AXL: variants seen among roughly 807,000 people sequenced by gnomAD.
AXL encodes the protein tyrosine-protein kinase receptor UFO.
A neutral mutation model predicts 104.5 loss-of-function variants in AXL; 52 were observed. The observed-to-expected ratio is 0.50, with a 90% CI of 0.40 to 0.63. AXL has a LOEUF of 0.63. Ranked by LOEUF, AXL falls within the 20% of genes least tolerant of loss-of-function variation. The pLI, the probability that AXL is intolerant of heterozygous loss-of-function variation, is 0.00. For synonymous variants in AXL, 455 were observed against 473.7 expected (o/e 0.96, Z 0.51); for missense variants, 1,024 against 1,188.5 (o/e 0.86, Z 2.04).
intron 4 of AXL, among the ~76,000 whole-genome samples, chr19:41,230,149 C>CTGTT (rs144832122): frequency 0.44 from 65,655 of 150,336 alleles, 14,666 homozygotes; most frequent in African/African-American, 0.54. Context: ...GTGGCTGTGT[C>CTGTT]TGTTTCTGTG....
rs1457443458 is a variant in AXL, at chr19:41,239,150, T to G, written c.1135-14T>G. ...GGTAAGGTTCTACCCTGATGCCACT[T>G]CTGGACCTCCTAGGTGCTAATGGAC... On this transcript the variant is annotated splice_polypyrimidine_tract_variant and intron_variant, in intron 8 of 19. Transcript: ENST00000301178. 4 of 1,612,850 alleles carry G rather than the reference T, an allele frequency of 2.5e-6. No individual in the cohort carries two copies. The highest frequency in any genetic ancestry group is 3.3e-4 in the Middle Eastern group (2 of 6,054).
chr19:41,239,638 C>G (rs2034146493), intron 9 of AXL, 56 bp from the exon 10 acceptor site: 1 of 1,609,658 alleles, frequency 6.2e-7, no homozygotes, highest in African/African-American at 1.3e-5. Flanking sequence ...CTTACCCGTG[C>G]CACGCCAGTC....
Position 41,228,774 on chromosome 19 carries a change from A to G in AXL, c.587-2193A>G, listed in dbSNP as rs564530877. Among the ~76,000 whole-genome samples, 3 of 152,254 alleles carry G rather than the reference A, an allele frequency of 2.0e-5. No homozygotes were observed. In the South Asian group the frequency reaches 6.2e-4, roughly 32 times the overall value. Reference sequence around the variant, plus strand: ...CACAACCCCTGCCCTCCTAGAGCTGACATTCTAGTGGGAGAAACTGACAAT... The same window carrying G: ...CACAACCCCTGCCCTCCTAGAGCTGGCATTCTAGTGGGAGAAACTGACAAT... On this transcript the variant is annotated intron_variant, in intron 4 of 19. Transcript: ENST00000301178.
chr19:41,252,154 A>T (rs1052709139), intron 14 of AXL, among the ~76,000 whole-genome samples, 197 bp from the exon 15 acceptor site: 4 of 147,954 alleles, frequency 2.7e-5, no homozygotes, highest in Admixed American at 6.8e-5. Context: ...ATATATATAT[A>T]TATATTATAT....
At position 41,220,871 on chromosome 19, in the gene AXL, A is replaced by T. The variant is rs778793836; in HGVS notation, c.308+13A>T. 6.2e-7 allele frequency: 1 copy of T among 1,610,816 alleles called. No individual in the cohort carries two copies. The highest frequency in any genetic ancestry group is 1.3e-5 in the African/African-American group (1 of 74,876). Reference sequence around the variant, plus strand: ...TCAGCCAGCTCAGGTGTGTGGCCACATCCCCGAATCCCACTCCCACCTCCG... The same window carrying T: ...TCAGCCAGCTCAGGTGTGTGGCCACTTCCCCGAATCCCACTCCCACCTCCG... On this transcript the variant is annotated intron_variant, in intron 2 of 19. Transcript: ENST00000301178.
At position 41,239,168 on chromosome 19, in the gene AXL, T is replaced by A; in HGVS notation, c.1139T>A (p.Leu380Gln). ...AYQGQDTPEV[L>Q]MDIGLRQEVT... ...TGCCACTTCTGGACCTCCTAGGTGC[T>A]AATGGACATAGGGCTAAGGCAAGAG... Residue 380 changes from leucine to glutamine, a missense_variant, in exon 9 of 20, where the codon CTA becomes CAA. Coordinates refer to ENST00000301178, the MANE Select transcript of AXL (RefSeq NM_021913.5). The A allele has an allele frequency of 6.2e-7, 1 of 1,613,262 alleles. No homozygotes were observed. Among genetic ancestry groups the A allele is most frequent in the Non-Finnish European group, 8.5e-7 (1 of 1,179,512 alleles).
At chr19:41,226,869 G>C in intron 4 of AXL, 1 of 885,754 alleles carries the variant, frequency 1.1e-6, no homozygotes, top group Non-Finnish European at 1.4e-6. Flanking sequence ...CGAGGCGGGA[G>C]GATCGCTTGG....
At chr19:41,228,556 CAAA>C (rs1043295953) in intron 4 of AXL, among the ~76,000 whole-genome samples, 3 of 151,914 alleles carry the variant, frequency 2.0e-5, no homozygotes, top group African/African-American at 7.3e-5. Flanking sequence ...TCTCAAAAAA[CAAA>C]AGAAAAAAAC....
chr19:41,243,589 C>T (rs925097837), intron 11 of AXL, 27 bp from the exon 12 acceptor site: 28 of 1,580,354 alleles, frequency 1.8e-5, no homozygotes, highest in Non-Finnish European at 2.3e-5. Flanking sequence ...TTTTTCCCTG[C>T]CCTCACCTAC....
At chr19:41,231,137 T>C in intron 5 of AXL, 46 bp from the exon 6 acceptor site, 1 of 1,609,428 alleles carries the variant, frequency 6.2e-7, no homozygotes, top group East Asian at 2.2e-5. Flanking sequence ...GGTAGGGAGC[T>C]TTGAGCAAAG....
rs1230326117 is a variant in AXL, at chr19:41,260,064, C to G, written c.*160C>G. The G allele has an allele frequency of 3.2e-6, 2 of 628,858 alleles. No individual in the cohort carries two copies. The highest frequency in any genetic ancestry group is 1.8e-5 in the African/African-American group (1 of 54,432). 39.0% of individuals were successfully genotyped at this position (628,858 alleles called of 1,614,324 possible). A position where few individuals can be genotyped will look rare whatever the true frequency, so the allele number is the denominator to read the frequency against. ...ATCCCAGACAGGTCCCTCCCCTTCT[C>G]TGTGCAGTAGCATCACCTTGAAAGC... On this transcript the variant is annotated 3_prime_UTR_variant, in exon 20 of 20. Coordinates refer to ENST00000301178, the MANE Select transcript of AXL (RefSeq NM_021913.5).
intron 4 of AXL, among the ~76,000 whole-genome samples, chr19:41,223,652 G>C (rs1293904238): frequency 6.6e-6 from 1 of 152,124 alleles, no homozygotes; most frequent in Non-Finnish European, 1.5e-5. Context: ...AGCATTCCTG[G>C]GACCCTGAGT....
intron 1 of AXL, 136 bp downstream of exon 1, chr19:41,219,613 T>C (rs961923761): frequency 1.2e-5 from 12 of 973,772 alleles, no homozygotes; most frequent in Non-Finnish European, 1.7e-5. Flanking sequence ...AAAAGGGACT[T>C]CAAGGGAGGG....
chr19:41,220,612 T>C (rs760869974), intron 1 of AXL, 24 bp from the exon 2 acceptor site: 5 of 1,546,594 alleles, frequency 3.2e-6, no homozygotes, highest in Non-Finnish European at 4.4e-6. Context: ...GTTCCTAAGC[T>C]AACTCTTCCC....
At chr19:41,254,389 A>C (rs1568418503) in intron 17 of AXL, among the ~76,000 whole-genome samples, 1 of 149,922 alleles carries the variant, frequency 6.7e-6, no homozygotes, top group Non-Finnish European at 1.5e-5. Flanking sequence ...AAAAAAAAAA[A>C]AAAAGAAAGA....
chr19:41,227,611 G>A (rs1162196987), intron 4 of AXL, among the ~76,000 whole-genome samples: 2 of 151,238 alleles, frequency 1.3e-5, no homozygotes, highest in South Asian at 2.1e-4. Flanking sequence ...TCAGCCTCCC[G>A]AGTAGCTGGG....
intron 10 of AXL, among the ~76,000 whole-genome samples, chr19:41,240,579 C>T (rs527979820): frequency 6.6e-6 from 1 of 152,264 alleles, no homozygotes; most frequent in African/African-American, 2.4e-5. Context: ...CCCCTCTGGG[C>T]ACTATTATGG....
rs755101210 is a variant in AXL at position 41,219,387 on chromosome 19, G to T, written c.-6G>T. The T allele has an allele frequency of 6.3e-7, 1 of 1,588,914 alleles. No individual in the cohort carries two copies. The highest frequency in any genetic ancestry group is 2.3e-5 in the East Asian group (1 of 43,550). ...CCCAACAACTTCTGAGGAAAGTTTG[G>T]CACCCATGGCGTGGCGGTGCCCCAG... On this transcript the variant is annotated 5_prime_UTR_variant, in exon 1 of 20. Transcript: ENST00000301178.
At chr19:41,239,041 A>C in intron 8 of AXL, 123 bp from the exon 9 acceptor site, 2 of 1,119,154 alleles carry the variant, frequency 1.8e-6, no homozygotes, top group Non-Finnish European at 2.6e-6. Context: ...AGGACGAGGA[A>C]GGATGAGGAG....
Sources: gnomAD v4.1 joint callset for allele counts (sites outside exome capture counted in the v4.1 genomes callset) on GRCh38, gnomAD v4.1.1 for gene constraint, MANE v1.5 for transcripts, NCBI Gene and HGNC (gene_info 2026-07-23, HGNC 2026-07-21) for gene names.